The following GALNTL6 variants were observed in gnomAD, a reference collection of about 807,000 sequenced individuals.
GALNTL6 encodes the protein polypeptide N-acetylgalactosaminyltransferase-like 6.
In GALNTL6, 46 loss-of-function variants were observed where a neutral mutation model predicts 73.7. The observed-to-expected ratio is 0.62, with a 90% CI of 0.49 to 0.80. The LOEUF is 0.80. Ranked by LOEUF, GALNTL6 falls within the 30% of genes least tolerant of loss-of-function variation. The pLI is 0.00. For synonymous variants in GALNTL6, 259 were observed against 263.7 expected (o/e 0.98, Z 0.17); for missense variants, 604 against 755.0 (o/e 0.80, Z 2.34).
chr4:172,043,411 C>G (rs17218187), intron 2 of GALNTL6, among the ~76,000 whole-genome samples: 28,933 of 151,850 alleles, frequency 0.19, 2,901 homozygotes, highest in Non-Finnish European at 0.22. Flanking sequence ...ATACAAGCTT[C>G]AATATTGGAA....
At chr4:171,923,676 G>C (rs1242941228) in intron 2 of GALNTL6, among the ~76,000 whole-genome samples, 1 of 151,580 alleles carries the variant, frequency 6.6e-6, no homozygotes, top group African/African-American at 2.4e-5. Context: ...AAAGTGCTGG[G>C]ATTACAGGTG....
intron 2 of GALNTL6, among the ~76,000 whole-genome samples, chr4:171,961,283 C>A (rs565858975): frequency 6.6e-6 from 1 of 152,114 alleles, no homozygotes; most frequent in South Asian, 2.1e-4. Flanking sequence ...TCTAACAGTC[C>A]CTGTACAGGG....
At chr4:172,956,663 G>A (rs540231991) in intron 10 of GALNTL6, among the ~76,000 whole-genome samples, 9 of 152,140 alleles carry the variant, frequency 5.9e-5, no homozygotes, top group Non-Finnish European at 1.2e-4. Flanking sequence ...TGAGGCTGGG[G>A]CCTAATAAAA....
chr4:172,189,514 A>T lies in GALNTL6; in HGVS notation c.139-40142A>T, dbSNP rs749033225. ...CTATTCTTAGAAATAAGTGGTGATT[A>T]CAAACAGTGATGGGGTTACCTTCAT... On this transcript the variant is annotated intron_variant, in intron 2 of 12. Coordinates refer to ENST00000506823, the MANE Select transcript of GALNTL6 (RefSeq NM_001034845.3). Among the ~76,000 whole-genome samples, 198 of 152,166 alleles carry T rather than the reference A, an allele frequency of 1.3e-3. 1 individual carries two copies. The highest frequency in any genetic ancestry group is 3.7e-4 in the Non-Finnish European group (25 of 68,030).
chr4:173,001,299 G>A (rs1752035088), intron 10 of GALNTL6, among the ~76,000 whole-genome samples: 1 of 152,174 alleles, frequency 6.6e-6, no homozygotes, highest in South Asian at 2.1e-4. Flanking sequence ...TCCTTCGGAA[G>A]CCATTTCAAA....
intron 2 of GALNTL6, 97 bp downstream of exon 2, chr4:171,814,815 TC>T: frequency 7.9e-7 from 1 of 1,258,938 alleles, no homozygotes; most frequent in Non-Finnish European, 1.1e-6. Context: ...CCTTGGGTTT[TC>T]CCCCAAGTCT....
chr4:172,495,092 C>G (rs889655179), intron 5 of GALNTL6, among the ~76,000 whole-genome samples: 1 of 152,068 alleles, frequency 6.6e-6, no homozygotes, highest in African/African-American at 2.4e-5. Flanking sequence ...GGAAAGGTAG[C>G]TAAAGGGAAA....
intron 5 of GALNTL6, among the ~76,000 whole-genome samples, chr4:172,726,107 G>GCCAGTCC (rs70944417): frequency 0.36 from 54,310 of 151,578 alleles, 10,727 homozygotes; most frequent in African/African-American, 0.52. Context: ...ATTCTGCTCT[G>GCCAGTCC]CCAGTCCCGC....
At chr4:172,776,168 T>A (rs1238426131) in intron 5 of GALNTL6, among the ~76,000 whole-genome samples, 1 of 152,256 alleles carries the variant, frequency 6.6e-6, no homozygotes, top group Non-Finnish European at 1.5e-5. Flanking sequence ...TTTGTTGTAA[T>A]TTCTTATGTA....
Position 172,064,721 on chromosome 4 carries a change from A to G in GALNTL6, c.139-164935A>G, listed in dbSNP as rs116220158. 5.9e-3 allele frequency among the ~76,000 whole-genome samples: 896 copies of G among 152,256 alleles called. 9 individuals carry two copies. The highest frequency in any genetic ancestry group is 0.021 in the African/African-American group (865 of 41,540). On this transcript the variant is annotated intron_variant, in intron 2 of 12. Transcript: ENST00000506823. ...TTCCAACTTTGGGATCTGGTTAGAA[A>G]TCAGATGGGTTTATTCTCCCTCCTT...
chr4:172,282,666 C>CAAAA (rs202167171), intron 3 of GALNTL6, among the ~76,000 whole-genome samples: 1 of 123,552 alleles, frequency 8.1e-6, no homozygotes, highest in African/African-American at 2.8e-5. Context: ...TGAAATGGGG[C>CAAAA]AAAAAAAAAA....
chr4:172,162,559 G>T (rs1734504609), intron 2 of GALNTL6, among the ~76,000 whole-genome samples: 2 of 151,980 alleles, frequency 1.3e-5, no homozygotes, highest in South Asian at 2.1e-4. Context: ...TCCAAACATG[G>T]TCATTCACTA....
At chr4:172,346,988 C>CTTTCTT (rs1741766163) in intron 4 of GALNTL6, among the ~76,000 whole-genome samples, 1 of 114,410 alleles carries the variant, frequency 8.7e-6, no homozygotes, top group African/African-American at 3.5e-5. Context: ...TGTTTTCTTT[C>CTTTCTT]TTTTTTTTTT....
At chr4:172,050,230 T>A (rs1730808713) in intron 2 of GALNTL6, among the ~76,000 whole-genome samples, 1 of 152,126 alleles carries the variant, frequency 6.6e-6, no homozygotes, top group South Asian at 2.1e-4. Context: ...AGGCATTTAT[T>A]TGCAGGGCAC....
At chr4:171,998,661 A>G (rs1740573662) in intron 2 of GALNTL6, among the ~76,000 whole-genome samples, 1 of 152,164 alleles carries the variant, frequency 6.6e-6, no homozygotes, top group Non-Finnish European at 1.5e-5. Context: ...TATTTTAATA[A>G]TGAATTATTT....
chr4:172,133,120 A>C (rs1733544416), intron 2 of GALNTL6, among the ~76,000 whole-genome samples: 1 of 152,244 alleles, frequency 6.6e-6, no homozygotes, highest in Non-Finnish European at 1.5e-5. Flanking sequence ...CAATGTGCTT[A>C]TTCTCAAATC....
At chr4:173,012,395 G>C (rs933031910) in intron 11 of GALNTL6, among the ~76,000 whole-genome samples, 1 of 152,124 alleles carries the variant, frequency 6.6e-6, no homozygotes, top group Non-Finnish European at 1.5e-5. Context: ...ATCATGATGC[G>C]AGGAAAACAG....
intron 2 of GALNTL6, among the ~76,000 whole-genome samples, chr4:172,040,742 T>C (rs1742065065): frequency 6.6e-6 from 1 of 152,086 alleles, no homozygotes; most frequent in Non-Finnish European, 1.5e-5. Context: ...GGTGACAAAC[T>C]GGAAGAGCCA....
intron 2 of GALNTL6, among the ~76,000 whole-genome samples, chr4:171,832,188 T>G (rs1734993292): frequency 6.6e-6 from 1 of 151,470 alleles, no homozygotes; most frequent in South Asian, 2.1e-4. Context: ...TAAAATAATG[T>G]GTTTTTAAAA....
Sources: gnomAD v4.1 joint callset for allele counts (sites outside exome capture counted in the v4.1 genomes callset) on GRCh38, gnomAD v4.1.1 for gene constraint, MANE v1.5 for transcripts, NCBI Gene and HGNC (gene_info 2026-07-23, HGNC 2026-07-21) for gene names.